AGBL4: variants seen among roughly 807,000 people sequenced by gnomAD.
The protein encoded by AGBL4 is cytosolic carboxypeptidase 6.
AGBL4 carries 58 observed loss-of-function variants against 66.4 expected under a neutral mutation model. The observed-to-expected ratio is 0.87, with a 90% confidence interval of 0.71 to 1.09. The LOEUF is 1.09. AGBL4 is among the 50% of genes least tolerant of loss of function. The pLI, the probability that AGBL4 is intolerant of heterozygous loss-of-function variation, is 0.00. For missense variants in AGBL4, 579 were observed against 631.0 expected (o/e 0.92, Z 0.88); for synonymous variants, 234 against 222.9 (o/e 1.05, Z -0.44).
intron 3 of AGBL4, among the ~76,000 whole-genome samples, chr1:49,597,287 C>T (rs1163626443): frequency 6.6e-6 from 1 of 152,158 alleles, no homozygotes; most frequent in Non-Finnish European, 1.5e-5. Context: ...TCTTAAATAG[C>T]TTACAGCCTT....
intron 2 of AGBL4, among the ~76,000 whole-genome samples, chr1:49,702,606 CAGATGG>C (rs769132269): frequency 3.9e-5 from 6 of 152,194 alleles, no homozygotes; most frequent in South Asian, 4.1e-4. Context: ...ATCCTAAAAT[CAGATGG>C]AGAGATCATG....
At chr1:49,895,157 G>A (rs1649060567) in intron 1 of AGBL4, among the ~76,000 whole-genome samples, 1 of 147,096 alleles carries the variant, frequency 6.8e-6, no homozygotes, top group South Asian at 2.1e-4. Context: ...AGTATATTTA[G>A]CAAAAATACT....
At chr1:49,494,723 C>T (rs533224718) in intron 3 of AGBL4, among the ~76,000 whole-genome samples, 3 of 152,050 alleles carry the variant, frequency 2.0e-5, no homozygotes, top group Admixed American at 6.5e-5. Flanking sequence ...TGAATAATGC[C>T]GCCATAAACA....
intron 2 of AGBL4, among the ~76,000 whole-genome samples, chr1:49,712,786 C>T (rs1647773100): frequency 6.6e-6 from 1 of 151,912 alleles, no homozygotes; most frequent in Non-Finnish European, 1.5e-5. Context: ...AGCTCTACCA[C>T]TTAGTATCTG....
chr1:49,068,264 G>C (rs1644529360), intron 4 of AGBL4, among the ~76,000 whole-genome samples: 1 of 151,022 alleles, frequency 6.6e-6, no homozygotes, highest in South Asian at 2.1e-4. Flanking sequence ...AAGTTCTGGG[G>C]TACATGTGCA....
chr1:49,873,845 AC>A (rs1646900672), intron 1 of AGBL4, among the ~76,000 whole-genome samples: 1 of 152,156 alleles, frequency 6.6e-6, no homozygotes, highest in Non-Finnish European at 1.5e-5. Flanking sequence ...AAAAAACAAA[AC>A]AAACAAATAC....
At chr1:48,875,044 C>G (rs1360766115) in intron 5 of AGBL4, among the ~76,000 whole-genome samples, 2 of 152,170 alleles carry the variant, frequency 1.3e-5, no homozygotes, top group Non-Finnish European at 2.9e-5. Context: ...ACCAATGAAG[C>G]ATTTGCTATG....
chr1:49,361,820 G>A (rs1317916188), intron 3 of AGBL4, among the ~76,000 whole-genome samples: 3 of 151,758 alleles, frequency 2.0e-5, no homozygotes, highest in African/African-American at 7.3e-5. Flanking sequence ...TTAGCTGATT[G>A]TACCCAGTCT....
intron 5 of AGBL4, among the ~76,000 whole-genome samples, chr1:48,970,183 C>T (rs1658790463): frequency 6.6e-6 from 1 of 152,066 alleles, no homozygotes; most frequent in Non-Finnish European, 1.5e-5. Context: ...GAGGTCAGCA[C>T]CAGAAAGGAG....
intron 8 of AGBL4, among the ~76,000 whole-genome samples, chr1:48,637,249 T>C (rs569840542): frequency 6.6e-6 from 1 of 152,356 alleles, no homozygotes; most frequent in South Asian, 2.1e-4. Flanking sequence ...TGCAGTCCAT[T>C]GGAGGCTGGA....
intron 3 of AGBL4, among the ~76,000 whole-genome samples, chr1:49,646,517 C>G (rs974909164): frequency 6.6e-6 from 1 of 151,804 alleles, no homozygotes; most frequent in South Asian, 2.1e-4. Flanking sequence ...CTGCAAAACA[C>G]CTCTTGGAAA....
At position 49,630,934 on chromosome 1, in the gene AGBL4, A is replaced by C. The variant is rs541706948; in HGVS notation, c.282+66379T>G. 1.4e-4 allele frequency among the ~76,000 whole-genome samples: 22 copies of C among 152,326 alleles called. 1 individual carries two copies. In the South Asian group the frequency reaches 4.1e-3, roughly 29 times the overall value. ...TAACCTGGTAGAGGGACAAGAGGTG[A>C]GAGTAGCAATAGTTTTAGCCTGGTG... is the stretch of plus-strand genomic sequence containing the variant. On this transcript the variant is annotated intron_variant, in intron 3 of 13. Transcript: ENST00000371839.
intron 6 of AGBL4, among the ~76,000 whole-genome samples, chr1:48,745,698 C>A (rs1190419893): frequency 6.6e-6 from 1 of 152,210 alleles, no homozygotes; most frequent in Non-Finnish European, 1.5e-5. Context: ...TGAGGCTGCC[C>A]TATCCCCTCA....
chr1:49,006,359 C>A (rs192189299), intron 5 of AGBL4, among the ~76,000 whole-genome samples: 4 of 152,194 alleles, frequency 2.6e-5, no homozygotes, highest in Non-Finnish European at 4.4e-5. Flanking sequence ...TATCCCACAC[C>A]TGGCTCGGAG....
chr1:49,713,576 G>A (rs912022546), intron 2 of AGBL4, among the ~76,000 whole-genome samples: 2 of 151,578 alleles, frequency 1.3e-5, no homozygotes, highest in African/African-American at 4.8e-5. Flanking sequence ...TATGTATTAA[G>A]AAAAAATTCT....
chr1:49,744,642 T>C (rs1202853197), intron 2 of AGBL4, among the ~76,000 whole-genome samples: 1 of 152,064 alleles, frequency 6.6e-6, no homozygotes, highest in East Asian at 1.9e-4. Flanking sequence ...AAGAATGATA[T>C]AATATGAAAA....
chr1:49,712,504 A>C (rs1201957559), intron 2 of AGBL4, among the ~76,000 whole-genome samples: 1 of 151,850 alleles, frequency 6.6e-6, no homozygotes, highest in Non-Finnish European at 1.5e-5. Context: ...AGTTGCAGTT[A>C]TGTAGGATGA....
At chr1:49,373,784 CA>C (rs986862757) in intron 3 of AGBL4, among the ~76,000 whole-genome samples, 10 of 152,020 alleles carry the variant, frequency 6.6e-5, no homozygotes, top group African/African-American at 2.4e-4. Context: ...AAAATATCTC[CA>C]GGAATCTTTT....
At chr1:49,014,762 T>G (rs1662689245) in intron 5 of AGBL4, among the ~76,000 whole-genome samples, 1 of 152,204 alleles carries the variant, frequency 6.6e-6, no homozygotes, top group South Asian at 2.1e-4. Context: ...ATTCTCTCTC[T>G]CATGGAGCTA....
Sources: allele counts gnomAD v4.1 joint callset (sites outside exome capture counted in the v4.1 genomes callset), GRCh38; gene constraint gnomAD v4.1.1; transcripts MANE v1.5; gene names NCBI Gene and HGNC (gene_info 2026-07-23, HGNC 2026-07-21).